Variants in TMEM132D observed in about 807,000 individuals in gnomAD.
The protein encoded by TMEM132D is mature OL transmembrane protein.
In TMEM132D, 21 loss-of-function variants were observed where a neutral mutation model predicts 62.3. The observed-to-expected ratio is 0.34, with a 90% CI of 0.24 to 0.49. The LOEUF is 0.49. Ranked by LOEUF, TMEM132D falls within the 20% of genes least tolerant of loss-of-function variation. The pLI is 0.99. For missense variants in TMEM132D, 1,346 were observed against 1,402.8 expected (o/e 0.96, Z 0.65); for synonymous variants, 621 against 575.6 (o/e 1.08, Z -1.13).
At chr12:129,899,380 A>T (rs987064921) in intron 1 of TMEM132D, among the ~76,000 whole-genome samples, 2 of 128,192 alleles carry the variant, frequency 1.6e-5, no homozygotes, top group African/African-American at 7.2e-5. Flanking sequence ...GGACTGGTAG[A>T]TGGATGGGTG....
intron 1 of TMEM132D, among the ~76,000 whole-genome samples, chr12:129,777,641 CA>C (rs1224416752): frequency 6.6e-6 from 1 of 152,156 alleles, no homozygotes; most frequent in East Asian, 1.9e-4. Context: ...AACCACTTAC[CA>C]TGTATATATG....
chr12:129,476,736 G>T (rs1358721069), intron 3 of TMEM132D, among the ~76,000 whole-genome samples: 1 of 152,224 alleles, frequency 6.6e-6, no homozygotes, highest in African/African-American at 2.4e-5. Context: ...AGGATGCTCA[G>T]ATCCATTAAA....
At chr12:129,677,289 G>T (rs1880653744) in intron 2 of TMEM132D, among the ~76,000 whole-genome samples, 1 of 152,112 alleles carries the variant, frequency 6.6e-6, no homozygotes, top group African/African-American at 2.4e-5. Context: ...AAAACGAGGA[G>T]TTTCCCTCCA....
intron 3 of TMEM132D, among the ~76,000 whole-genome samples, chr12:129,492,562 T>C (rs931467481): frequency 1.3e-5 from 2 of 152,174 alleles, no homozygotes; most frequent in Non-Finnish European, 2.9e-5. Context: ...AATAACATCT[T>C]GTAATTTTTT....
chr12:129,888,309 A>G (rs766157176), intron 1 of TMEM132D, among the ~76,000 whole-genome samples: 35 of 152,212 alleles, frequency 2.3e-4, no homozygotes, highest in Non-Finnish European at 4.9e-4. Flanking sequence ...GGAGGGTAAA[A>G]TTCTACTGAA....
chr12:129,610,100 T>C (rs1878729535), intron 2 of TMEM132D, among the ~76,000 whole-genome samples: 1 of 151,994 alleles, frequency 6.6e-6, no homozygotes, highest in African/African-American at 2.4e-5. Context: ...TGAAACCACG[T>C]CTCTACTAAA....
At chr12:129,817,375 G>A (rs1045887800) in intron 1 of TMEM132D, among the ~76,000 whole-genome samples, 3 of 152,118 alleles carry the variant, frequency 2.0e-5, no homozygotes, top group Non-Finnish European at 4.4e-5. Context: ...AGAACCAGAC[G>A]CCGTAACAAG....
At chr12:129,757,283 G>A (rs1428863414) in intron 1 of TMEM132D, among the ~76,000 whole-genome samples, 1 of 152,084 alleles carries the variant, frequency 6.6e-6, no homozygotes, top group Non-Finnish European at 1.5e-5. Flanking sequence ...GTGGGATGAT[G>A]GAATTCTGCT....
intron 2 of TMEM132D, among the ~76,000 whole-genome samples, chr12:129,655,246 C>CT (rs5801873): frequency 0.54 from 75,189 of 139,226 alleles, 21,563 homozygotes; most frequent in Admixed American, 0.62. Flanking sequence ...TGTGTCTAGC[C>CT]TTTTTTTTTT....
intron 4 of TMEM132D, among the ~76,000 whole-genome samples, chr12:129,256,746 G>A (rs554261866): frequency 1.0e-3 from 156 of 152,160 alleles, no homozygotes; most frequent in East Asian, 7.7e-4. Context: ...TAGTAGAGAC[G>A]GGGTTTCACT....
intron 3 of TMEM132D, among the ~76,000 whole-genome samples, chr12:129,343,622 A>G (rs1869582599): frequency 6.6e-6 from 1 of 152,058 alleles, no homozygotes; most frequent in African/African-American, 2.4e-5. Flanking sequence ...TTTTACCGAT[A>G]ATAATGTTGC....
chr12:129,861,048 A>C (rs1318526662), intron 1 of TMEM132D, among the ~76,000 whole-genome samples: 1 of 152,230 alleles, frequency 6.6e-6, no homozygotes, highest in Non-Finnish European at 1.5e-5. Context: ...CAATTATTGG[A>C]ATCTCCTTCA....
chr12:129,212,386 C>T (rs552702160), intron 4 of TMEM132D: 11 of 152,242 alleles, frequency 7.2e-5, no homozygotes, highest in African/African-American at 1.4e-4. Flanking sequence ...TTTGACGTCA[C>T]GAATTTTCTG....
At chr12:129,519,274 G>T (rs1875776951) in intron 3 of TMEM132D, among the ~76,000 whole-genome samples, 1 of 152,102 alleles carries the variant, frequency 6.6e-6, no homozygotes, top group Non-Finnish European at 1.5e-5. Context: ...CAGAGTAGCT[G>T]TGACTTTTCG....
chr12:129,100,432 G>A (rs140683534), intron 5 of TMEM132D, among the ~76,000 whole-genome samples: 2 of 152,322 alleles, frequency 1.3e-5, no homozygotes, highest in East Asian at 3.9e-4. Context: ...GTTGGCTCCA[G>A]GCCATGCCTC....
chr12:129,648,828 C>A (rs1879853232), intron 2 of TMEM132D, among the ~76,000 whole-genome samples: 1 of 152,008 alleles, frequency 6.6e-6, no homozygotes, highest in African/African-American at 2.4e-5. Flanking sequence ...CACTCAAATA[C>A]CATCTATAAT....
At chr12:129,699,638 C>G (rs1301930493) in intron 2 of TMEM132D, among the ~76,000 whole-genome samples, 172 bp downstream of exon 2, 1 of 152,188 alleles carries the variant, frequency 6.6e-6, no homozygotes, top group African/African-American at 2.4e-5. Flanking sequence ...CAATTGCCAA[C>G]CCGGAACGAT....
At chr12:129,102,487 C>G (rs1313357706) in intron 5 of TMEM132D, among the ~76,000 whole-genome samples, 2 of 150,242 alleles carry the variant, frequency 1.3e-5, no homozygotes, top group Non-Finnish European at 3.0e-5. Context: ...ACACAATGCA[C>G]ACACACACAC....
At position 129,398,527 on chromosome 12, in the gene TMEM132D, G is replaced by A. The variant is rs146729446; in HGVS notation, c.1116-60710C>T. Among the ~76,000 whole-genome samples, 141 of 152,290 alleles carry A rather than the reference G, an allele frequency of 9.3e-4. 3 individuals are homozygous for A. In the East Asian group the frequency reaches 0.023, roughly 24 times the overall value. On this transcript the variant is annotated intron_variant, in intron 3 of 8. Transcript: ENST00000422113. ...AGGAAACTTGTTCATTCTATCATAA[G>A]GGATGATAGAAAAGTATCTGGGTTG...
Sources: allele counts gnomAD v4.1 joint callset (sites outside exome capture counted in the v4.1 genomes callset), GRCh38; gene constraint gnomAD v4.1.1; transcripts MANE v1.5; gene names NCBI Gene and HGNC (gene_info 2026-07-23, HGNC 2026-07-21).